Variants in DPY19L2 observed in about 807,000 individuals in gnomAD.
DPY19L2 encodes the protein probable C-mannosyltransferase DPY19L2.
A neutral mutation model predicts 97.9 loss-of-function variants in DPY19L2; 34 were observed. That is an observed-to-expected ratio of 0.35 (90% confidence interval 0.26 to 0.46). The LOEUF (loss-of-function observed/expected upper bound fraction) is 0.46. Among genes scored for constraint, DPY19L2 ranks in the 20% least tolerant of loss-of-function variants. The probability of loss-of-function intolerance (pLI) is 1.00; values close to 1 mark genes in which losing one functional copy is unlikely to be tolerated. For missense variants in DPY19L2, 623 were observed against 911.4 expected, an observed-to-expected ratio of 0.68 and a Z score of 4.07; for synonymous variants, 230 against 307.9, an observed-to-expected ratio of 0.75 and a Z score of 2.65.
intron 19 of DPY19L2, among the ~76,000 whole-genome samples, chr12:63,576,668 ATTT>A (rs1879894556): frequency 1.3e-5 from 2 of 152,118 alleles, no homozygotes; most frequent in Non-Finnish European, 2.9e-5. Flanking sequence ...GAGAAAGAAA[ATTT>A]AAAAAGTAAT....
intron 21 of DPY19L2, among the ~76,000 whole-genome samples, chr12:63,568,774 C>T (rs1165957543): frequency 2.6e-5 from 4 of 151,972 alleles, no homozygotes; most frequent in Middle Eastern, 3.4e-3. Flanking sequence ...TTTAGAGATT[C>T]GAAATTCAGA....
chr12:63,592,039 G>C (rs1414453803), intron 16 of DPY19L2, among the ~76,000 whole-genome samples: 1 of 35,280 alleles, frequency 2.8e-5, no homozygotes, highest in East Asian at 8.5e-4. Context: ...GGGAGGGGAG[G>C]GGAGGGAACG....
chr12:63,599,804 T>A (rs898437632), intron 13 of DPY19L2, among the ~76,000 whole-genome samples: 1 of 152,170 alleles, frequency 6.6e-6, no homozygotes, highest in African/African-American at 2.4e-5. Flanking sequence ...TGCATGTATG[T>A]CCTAGAAAAT....
intron 13 of DPY19L2, among the ~76,000 whole-genome samples, chr12:63,598,357 T>C (rs1438160484): frequency 1.3e-5 from 2 of 152,326 alleles, no homozygotes; most frequent in South Asian, 2.1e-4. Context: ...TATTTGGTAC[T>C]TCTTGATATT....
rs143848243 is a variant in DPY19L2, at chr12:63,641,063, T to G, written c.803+3340A>C. Among the ~76,000 whole-genome samples the G allele has an allele frequency of 2.3e-3, 351 of 151,942 alleles. 15 individuals carry two copies. The East Asian group carries it at 0.063, about 27-fold the overall frequency. On this transcript the variant is annotated intron_variant, in intron 6 of 21. Coordinates refer to ENST00000324472, the MANE Select transcript of DPY19L2 (RefSeq NM_173812.5). ...GCCCGCCACCACGCCCGGCTAATTTTTTGTTGTTGTTGTTGTATTTTTAGT... is the reference window on the plus strand; with the variant it reads ...GCCCGCCACCACGCCCGGCTAATTTGTTGTTGTTGTTGTTGTATTTTTAGT...
rs943858410 is a variant in DPY19L2, at chr12:63,560,071, T to A, written c.*441A>T. ...AGAGGTAAAGAGGCTGTGACCAGTA[T>A]CAGCATTTTAAGGATGTCATTTCAG... On this transcript the variant is annotated 3_prime_UTR_variant, in exon 22 of 22. Transcript: ENST00000324472. 6.5e-6 allele frequency: 1 copy of A among 154,338 alleles called. No homozygotes were observed. The highest frequency in any genetic ancestry group is 2.4e-5 in the African/African-American group (1 of 41,456). The allele number at this position is 154,338 out of a possible 1,614,324, so 9.6% of individuals were successfully genotyped here.
chr12:63,596,245 A>T (rs1017533862), intron 14 of DPY19L2, among the ~76,000 whole-genome samples: 1 of 151,980 alleles, frequency 6.6e-6, no homozygotes, highest in African/African-American at 2.4e-5. Context: ...TATTCCAAAA[A>T]TTTAATGAAA....
chr12:63,647,038 T>C (rs968511906), intron 5 of DPY19L2, among the ~76,000 whole-genome samples: 4 of 152,124 alleles, frequency 2.6e-5, no homozygotes, highest in Non-Finnish European at 5.9e-5. Context: ...ATGTTAATAC[T>C]CAAATTCCAA....
chr12:63,598,341 T>C (rs1884597754), intron 13 of DPY19L2, among the ~76,000 whole-genome samples: 1 of 152,156 alleles, frequency 6.6e-6, no homozygotes, highest in Admixed American at 6.5e-5. Context: ...CGCAGACTGA[T>C]TACAATATTT....
At chr12:63,591,438 A>C (rs11175057) in intron 16 of DPY19L2, among the ~76,000 whole-genome samples, 28,952 of 152,036 alleles carry the variant, frequency 0.19, 4,079 homozygotes, top group African/African-American at 0.41. Flanking sequence ...ATATAACAAG[A>C]CTGTACATGT....
intron 2 of DPY19L2, 126 bp downstream of exon 2, chr12:63,665,709 T>C (rs1232338060): frequency 3.8e-6 from 3 of 784,484 alleles, no homozygotes; most frequent in African/African-American, 1.8e-5. Context: ...AATACATGTA[T>C]AAATTGGTGC....
At chr12:63,652,220 C>CA (rs1280531328) in intron 4 of DPY19L2, among the ~76,000 whole-genome samples, 3 of 152,082 alleles carry the variant, frequency 2.0e-5, no homozygotes, top group Admixed American at 6.5e-5. Context: ...AAATGCAAAT[C>CA]AAAACCACAC....
At chr12:63,567,610 A>G (rs12582849) in intron 21 of DPY19L2, among the ~76,000 whole-genome samples, 108,099 of 151,844 alleles carry the variant, frequency 0.71, 39,387 homozygotes, top group African/African-American at 0.86. Context: ...CATTTCCAGC[A>G]CATTTGAGTA....
chr12:63,571,399 C>T (rs1248410133), intron 19 of DPY19L2, among the ~76,000 whole-genome samples: 2 of 152,150 alleles, frequency 1.3e-5, no homozygotes, highest in African/African-American at 2.4e-5. Flanking sequence ...CTCTTAGCTG[C>T]TTCACTCAAG....
chr12:63,665,600 A>G (rs1474308126), intron 2 of DPY19L2, among the ~76,000 whole-genome samples: 1 of 152,342 alleles, frequency 6.6e-6, no homozygotes, highest in Non-Finnish European at 1.5e-5. Flanking sequence ...GTGGTGAATT[A>G]TTTGGTAAAG....
intron 19 of DPY19L2, among the ~76,000 whole-genome samples, chr12:63,574,965 T>C (rs990934280): frequency 1.4e-4 from 22 of 152,012 alleles, no homozygotes; most frequent in African/African-American, 4.3e-4. Flanking sequence ...AAGGACCTAA[T>C]AGATACTTAC....
At chr12:63,658,572 T>A (rs867054734) in intron 4 of DPY19L2, among the ~76,000 whole-genome samples, 11 of 152,200 alleles carry the variant, frequency 7.2e-5, no homozygotes, top group Non-Finnish European at 1.3e-4. Flanking sequence ...TTTTCTTTTT[T>A]AAACTCTGCC....
chr12:63,592,136 CAGAG>C (rs750830526), intron 16 of DPY19L2, among the ~76,000 whole-genome samples: 9 of 135,424 alleles, frequency 6.6e-5, no homozygotes, highest in East Asian at 6.4e-4. Context: ...CAAGACAAGA[CAGAG>C]AGAGAGAGAG....
At chr12:63,625,739 C>A (rs1429296199) in intron 7 of DPY19L2, among the ~76,000 whole-genome samples, 1 of 152,076 alleles carries the variant, frequency 6.6e-6, no homozygotes, top group Non-Finnish European at 1.5e-5. Flanking sequence ...TGTGTCCCTG[C>A]TGTCAGGCCT....
Sources: gnomAD v4.1 joint callset for allele counts (sites outside exome capture counted in the v4.1 genomes callset) on GRCh38, gnomAD v4.1.1 for gene constraint, MANE v1.5 for transcripts, NCBI Gene and HGNC (gene_info 2026-07-23, HGNC 2026-07-21) for gene names.